The following ABCC9 variants were observed in gnomAD, a reference collection of about 807,000 sequenced individuals.
The protein encoded by ABCC9 is ATP binding cassette subfamily C member 9, also known as ATP-binding cassette sub-family C member 9.
Under a neutral mutation model 188.3 loss-of-function variants are expected in ABCC9, and 95 were observed. The observed-to-expected ratio is 0.50, with a 90% CI of 0.43 to 0.60. The LOEUF (loss-of-function observed/expected upper bound fraction) is 0.60, where lower values mean the gene tolerates loss of function less well. Ranked by LOEUF, ABCC9 falls within the 20% of genes least tolerant of loss-of-function variation. ABCC9 has a pLI of 0.00. For synonymous variants in ABCC9, 659 were observed against 652.7 expected, an observed-to-expected ratio of 1.01 and a Z score of -0.15; for missense variants, 1,102 against 1,876.3, an observed-to-expected ratio of 0.59 and a Z score of 7.62.
intron 29 of ABCC9, among the ~76,000 whole-genome samples, chr12:21,838,814 C>G (rs1029119614): frequency 3.9e-5 from 6 of 152,096 alleles, no homozygotes; most frequent in African/African-American, 1.4e-4. Context: ...CAGGTGGACA[C>G]TTGAAGCCAG....
In ABCC9 at chr12:21,801,896, T is replaced by A. The variant is rs113397195; in HGVS notation, c.4513-715A>T. ...TCTCTCCACTTTATAGGGGAGACCATTCACAGAGATAAAGCAAAATCAGGA... is the reference window on the plus strand; with the variant it reads ...TCTCTCCACTTTATAGGGGAGACCAATCACAGAGATAAAGCAAAATCAGGA... On this transcript the variant is annotated intron_variant, in intron 39 of 39. Coordinates refer to ENST00000261200, the MANE Select transcript of ABCC9 (RefSeq NM_020297.4). Among the ~76,000 whole-genome samples the A allele has an allele frequency of 2.2e-3, 341 of 152,310 alleles. 2 individuals carry two copies. Among genetic ancestry groups the A allele is most frequent in the African/African-American group, 7.6e-3 (316 of 41,570 alleles).
At chr12:21,835,613 A>C (rs1168685749) in intron 30 of ABCC9, among the ~76,000 whole-genome samples, 5 of 152,190 alleles carry the variant, frequency 3.3e-5, no homozygotes, top group Non-Finnish European at 7.4e-5. Context: ...TTAATGAGGC[A>C]GCAATTGGCA....
In ABCC9 at chr12:21,882,806, C is replaced by T. The variant is rs150255709; in HGVS notation, c.1979G>A (p.Arg660Gln). The T allele has an allele frequency of 1.9e-5, 30 of 1,613,920 alleles. No individual in the cohort carries two copies. The Middle Eastern group carries it at 5.0e-4, about 27-fold the overall frequency. Residue 660 changes from arginine to glutamine, a missense_variant, in exon 16 of 40, where the codon CGG becomes CAG. Transcript: ENST00000261200. Reference protein sequence around the residue: ...YHLDSYEQSTRRLRPAETEDI... With the variant: ...YHLDSYEQSTQRLRPAETEDI... ...CTCTGTTTCTGCGGGACGTAGACGC[C>T]GTGTTGATTGCTCATAGCTGTCCAG...
intron 16 of ABCC9, 120 bp downstream of exon 16, chr12:21,882,646 G>T: frequency 3.4e-6 from 3 of 874,938 alleles, no homozygotes; most frequent in Admixed American, 4.2e-5. Flanking sequence ...TGTTATTAGG[G>T]TTAATGACAA....
chr12:21,814,576 A>T, intron 35 of ABCC9, 68 bp downstream of exon 35: 1 of 1,273,558 alleles, frequency 7.9e-7, no homozygotes, highest in Non-Finnish European at 1.1e-6. Flanking sequence ...CTGCAGGATT[A>T]GGTAAATTGA....
Position 21,936,637 on chromosome 12 carries a change from T to C in ABCC9, c.38A>G (p.Tyr13Cys). ...LSFCGNNISS[Y>C]NINDGVLQNS... is the part of the protein sequence containing the mutation. The stretch of plus-strand genomic sequence containing the variant: ...TTGTAGTACACCATCGTTGATATTA[T>C]ATGAAGAAATGTTGTTACCACAAAA... The change falls in exon 3 of 40, where the codon TAT becomes TGT. Residue 13 changes from tyrosine to cysteine, a missense_variant. By Grantham distance (194) the Tyr-to-Cys change is radical. Coordinates refer to ENST00000261200, the MANE Select transcript of ABCC9 (RefSeq NM_020297.4). 1.2e-6 allele frequency: 2 copies of C among 1,611,256 alleles called. No homozygotes were observed. The highest frequency in any genetic ancestry group is 1.7e-6 in the Non-Finnish European group (2 of 1,177,532).
chr12:21,815,830 A>C lies in ABCC9; in HGVS notation c.3956T>G (p.Val1319Gly), dbSNP rs748445967. 10 of 1,613,338 alleles carry C rather than the reference A, an allele frequency of 6.2e-6. No homozygotes were observed. The Admixed American group carries it at 1.7e-4, about 27-fold the overall frequency. ...AGGTTTCAGATTATTTTCATATCTGACACACAGATCATGTATCTTGATCTC... is the reference window on the plus strand; with the variant it reads ...AGGTTTCAGATTATTTTCATATCTGCCACACAGATCATGTATCTTGATCTC... ...EGEIKIHDLC[V>G]RYENNLKPVL... Residue 1319 changes from valine to glycine, a missense_variant, in exon 34 of 40, where the codon GTC becomes GGC. Val to Gly is a moderately radical substitution (Grantham distance 109). Coordinates refer to ENST00000261200, the MANE Select transcript of ABCC9 (RefSeq NM_020297.4).
chr12:21,818,114 G>A, intron 32 of ABCC9, 36 bp downstream of exon 32: 4 of 1,452,352 alleles, frequency 2.8e-6, no homozygotes, highest in Admixed American at 1.7e-5. Context: ...GCGGTGTTTG[G>A]TTATCTGTTC....
intron 25 of ABCC9, among the ~76,000 whole-genome samples, chr12:21,846,312 C>T (rs557387617): frequency 1.3e-5 from 2 of 152,286 alleles, no homozygotes; most frequent in South Asian, 4.1e-4. Flanking sequence ...AGCCAGGGGA[C>T]ACAAAGGATA....
intron 37 of ABCC9, among the ~76,000 whole-genome samples, chr12:21,809,192 A>G (rs1022269046): frequency 6.6e-6 from 1 of 152,168 alleles, no homozygotes; most frequent in African/African-American, 2.4e-5. Flanking sequence ...TAAAGATAGT[A>G]TGAACTCTCT....
chr12:21,890,234 A>T lies in ABCC9; in HGVS notation c.1803-2300T>A, dbSNP rs183348915. On this transcript the variant is annotated intron_variant, in intron 14 of 39. Transcript: ENST00000261200. ...TTCCAGGTTTATATTTTTAAAATGC[A>T]AATCTGTGCATGTAATGACCCGCTT... 1.3e-3 allele frequency among the ~76,000 whole-genome samples: 196 copies of T among 152,256 alleles called. 1 individual carries two copies. Among genetic ancestry groups the T allele is most frequent in the Non-Finnish European group, 5.6e-4 (38 of 68,020 alleles).
chr12:21,888,844 A>C (rs1044281916), intron 14 of ABCC9, among the ~76,000 whole-genome samples: 5 of 152,150 alleles, frequency 3.3e-5, no homozygotes, highest in African/African-American at 1.2e-4. Flanking sequence ...AATAATATAC[A>C]AAAGGAAATT....
intron 30 of ABCC9, among the ~76,000 whole-genome samples, chr12:21,837,577 C>CT (rs1459382349): frequency 6.6e-6 from 1 of 152,100 alleles, no homozygotes; most frequent in African/African-American, 2.4e-5. Flanking sequence ...GGTTATTACT[C>CT]TGTTTACAAA....
chr12:21,848,443 G>T (rs921930881), intron 24 of ABCC9, among the ~76,000 whole-genome samples, 197 bp from the exon 25 acceptor site: 1 of 152,146 alleles, frequency 6.6e-6, no homozygotes, highest in Non-Finnish European at 1.5e-5. Flanking sequence ...GTGCTGCAGT[G>T]CTCAAAGGTG....
intron 25 of ABCC9, among the ~76,000 whole-genome samples, chr12:21,847,664 AAAACTG>A (rs557304009): frequency 8.9e-4 from 130 of 145,588 alleles, no homozygotes; most frequent in Non-Finnish European, 1.7e-3. Flanking sequence ...TCAGATCTGG[AAAACTG>A]AAACATAACA....
Position 21,910,310 on chromosome 12 carries a change from G to T in ABCC9, c.1167C>A (p.Ala389=). ...TGINLRGALL[A]MIYNKILRLS... is the part of the protein sequence containing the mutation. ...GCCTAAGGATTTTATTATAAATCAT[G>T]GCCTACCAAAAAAAAAAAAAAGAGT... The change falls in exon 10 of 40, where the codon GCC becomes GCA. Residue 389 remains alanine, a splice_region_variant and synonymous_variant. Coordinates refer to ENST00000261200, the MANE Select transcript of ABCC9 (RefSeq NM_020297.4). The T allele has an allele frequency of 6.4e-7, 1 of 1,563,454 alleles. No individual in the cohort carries two copies.
chr12:21,934,143 T>C (rs1229558678), intron 3 of ABCC9, among the ~76,000 whole-genome samples: 1 of 152,100 alleles, frequency 6.6e-6, no homozygotes, highest in Non-Finnish European at 1.5e-5. Context: ...TTAACATTTG[T>C]GGCATTACTC....
intron 30 of ABCC9, among the ~76,000 whole-genome samples, chr12:21,834,826 C>T (rs1254660484): frequency 1.4e-5 from 2 of 148,102 alleles, no homozygotes; most frequent in Non-Finnish European, 3.0e-5. Context: ...CACACACACA[C>T]AGTGCGCACA....
chr12:21,919,845 A>G (rs996849192), intron 5 of ABCC9, among the ~76,000 whole-genome samples: 1 of 152,078 alleles, frequency 6.6e-6, no homozygotes, highest in African/African-American at 2.4e-5. Flanking sequence ...CCTTCATTAC[A>G]TAGATGTAAA....
Sources: gnomAD v4.1 joint callset for allele counts (sites outside exome capture counted in the v4.1 genomes callset) on GRCh38, gnomAD v4.1.1 for gene constraint, MANE v1.5 for transcripts, NCBI Gene and HGNC (gene_info 2026-07-23, HGNC 2026-07-21) for gene names.